The following PTPRD variants were observed in gnomAD, a reference collection of about 807,000 sequenced individuals.
PTPRD encodes the protein protein tyrosine phosphatase receptor type D, also known as receptor-type tyrosine-protein phosphatase delta.
In PTPRD, 34 loss-of-function variants were observed where a neutral mutation model predicts 214.5. That is an observed-to-expected ratio of 0.16 (90% CI 0.12 to 0.21). The LOEUF (loss-of-function observed/expected upper bound fraction) is 0.21. PTPRD is among the 10% of genes least tolerant of loss of function. The pLI, the probability that PTPRD is intolerant of heterozygous loss-of-function variation, is 1.00. For missense variants in PTPRD, 2,545 were observed against 2,398.7 expected (o/e 1.06, Z -1.27); for synonymous variants, 1,128 against 845.7 (o/e 1.33, Z -5.79).
intron 11 of PTPRD, among the ~76,000 whole-genome samples, chr9:8,734,180 C>T (rs1212473980): frequency 6.6e-6 from 1 of 152,144 alleles, no homozygotes; most frequent in Non-Finnish European, 1.5e-5. Flanking sequence ...TCTCGCATTC[C>T]CAATTTTAGG....
chr9:9,683,631 A>G (rs1313650912), intron 7 of PTPRD, among the ~76,000 whole-genome samples: 2 of 151,752 alleles, frequency 1.3e-5, no homozygotes, highest in Non-Finnish European at 2.9e-5. Context: ...TCAACTCTGA[A>G]GTAATAAGAT....
At chr9:8,929,793 GTGTGTGTATATA>G (rs1567062071) in intron 11 of PTPRD, among the ~76,000 whole-genome samples, 7 of 66,784 alleles carry the variant, frequency 1.0e-4, no homozygotes, top group Admixed American at 2.0e-4. Context: ...GTGTATATAT[GTGTGTGTATATA>G]TGTGTATATA....
chr9:9,982,250 C>T (rs1333360002), intron 4 of PTPRD, among the ~76,000 whole-genome samples: 2 of 152,158 alleles, frequency 1.3e-5, no homozygotes, highest in Non-Finnish European at 2.9e-5. Context: ...TTATATTCAT[C>T]TTTGTCACTG....
Position 10,475,593 on chromosome 9 carries a change from C to A in PTPRD, c.-599-134576G>T, listed in dbSNP as rs144866722. On this transcript the variant is annotated intron_variant, in intron 2 of 45. Coordinates refer to ENST00000381196, the MANE Select transcript of PTPRD (RefSeq NM_002839.4). ...GGTACCATTACTTCTGAAACTATTC[C>A]AAACAATAGAAAAAAAGGGACTCCT... 6.3e-3 allele frequency among the ~76,000 whole-genome samples: 946 copies of A among 151,242 alleles called. 13 individuals carry two copies. Among genetic ancestry groups the A allele is most frequent in the African/African-American group, 0.022 (898 of 41,304 alleles).
chr9:9,573,414 T>C (rs990465837), intron 8 of PTPRD, among the ~76,000 whole-genome samples: 10 of 149,956 alleles, frequency 6.7e-5, no homozygotes, highest in African/African-American at 1.2e-4. Flanking sequence ...ATGTTCTTTT[T>C]TTAAAAAAAA....
intron 2 of PTPRD, among the ~76,000 whole-genome samples, chr9:10,461,590 A>G (rs1270091651): frequency 6.6e-6 from 1 of 152,012 alleles, no homozygotes; most frequent in Non-Finnish European, 1.5e-5. Flanking sequence ...ACAGAAAAAA[A>G]CATGTTGCAT....
At chr9:10,062,073 C>A (rs978058417) in intron 3 of PTPRD, among the ~76,000 whole-genome samples, 1 of 151,990 alleles carries the variant, frequency 6.6e-6, no homozygotes, top group African/African-American at 2.4e-5. Flanking sequence ...AAACTAAAAT[C>A]GTGACTCTCA....
intron 21 of PTPRD, among the ~76,000 whole-genome samples, chr9:8,512,783 T>C (rs918195785): frequency 5.3e-5 from 8 of 152,006 alleles, no homozygotes; most frequent in African/African-American, 1.9e-4. Context: ...GCTTTCTAAA[T>C]ACAGTTCAGA....
intron 10 of PTPRD, among the ~76,000 whole-genome samples, chr9:9,117,736 AAGAAAAAAAATATTTC>A (rs1305895184): frequency 2.0e-5 from 3 of 152,174 alleles, no homozygotes; most frequent in Non-Finnish European, 4.4e-5. Context: ...TTAATATGCC[AAGAAAAAAAATATTTC>A]AGAAGATAAA....
chr9:9,263,456 T>C (rs1374000060), intron 9 of PTPRD, among the ~76,000 whole-genome samples: 7 of 151,692 alleles, frequency 4.6e-5, no homozygotes, highest in South Asian at 2.1e-4. Flanking sequence ...AACATAACCA[T>C]ATTGAACAGA....
At chr9:8,341,593 T>C (rs575111571) in intron 40 of PTPRD, 100 bp downstream of exon 40, 8 of 1,352,590 alleles carry the variant, frequency 5.9e-6, no homozygotes, top group Non-Finnish European at 8.2e-6. Context: ...CAAATGAATC[T>C]TGTACTTCAC....
intron 9 of PTPRD, among the ~76,000 whole-genome samples, chr9:9,184,605 A>G (rs1359004390): frequency 6.6e-6 from 1 of 152,006 alleles, no homozygotes; most frequent in Non-Finnish European, 1.5e-5. Flanking sequence ...TGAGAATTAA[A>G]TTTCTCTTCT....
At chr9:8,633,242 C>T (rs2154319844) in intron 14 of PTPRD, 75 bp downstream of exon 14, 1 of 1,535,376 alleles carries the variant, frequency 6.5e-7, no homozygotes. Context: ...CAATGCTAGT[C>T]TTTTCAATGA....
chr9:9,244,522 A>G (rs531462610), intron 9 of PTPRD, among the ~76,000 whole-genome samples: 3 of 152,218 alleles, frequency 2.0e-5, no homozygotes, highest in Non-Finnish European at 4.4e-5. Context: ...ACCTGACAAA[A>G]ACAAGCAATG....
chr9:9,163,875 T>C (rs1474187776), intron 10 of PTPRD, among the ~76,000 whole-genome samples: 7 of 152,148 alleles, frequency 4.6e-5, no homozygotes, highest in Non-Finnish European at 1.0e-4. Context: ...TTTTGTTTTC[T>C]CTCAGATTCA....
chr9:8,776,922 T>C (rs942638107), intron 11 of PTPRD, among the ~76,000 whole-genome samples: 1 of 147,454 alleles, frequency 6.8e-6, no homozygotes, highest in African/African-American at 2.5e-5. Context: ...ATATGTATAA[T>C]ATATAAATAT....
Position 9,507,558 on chromosome 9 carries a change from G to T in PTPRD, c.-237+67174C>A, listed in dbSNP as rs370236225. Among the ~76,000 whole-genome samples, 23 of 151,536 alleles carry T rather than the reference G, an allele frequency of 1.5e-4. 1 individual carries two copies. The highest frequency in any genetic ancestry group is 9.7e-4 in the East Asian group (5 of 5,138). ...ATGGAAAGGGAGAACAGAAAGTAAA[G>T]CTAGTATGATGATTAAGGAAGAAAA... On this transcript the variant is annotated intron_variant, in intron 8 of 45. Transcript: ENST00000381196.
chr9:8,662,301 G>T (rs895357412), intron 12 of PTPRD, among the ~76,000 whole-genome samples: 2 of 151,508 alleles, frequency 1.3e-5, no homozygotes, highest in African/African-American at 4.9e-5. Context: ...CTGCTATGTT[G>T]GAAAACAAAC....
intron 3 of PTPRD, among the ~76,000 whole-genome samples, chr9:10,181,088 A>C (rs570233070): frequency 3.3e-5 from 5 of 152,114 alleles, no homozygotes; most frequent in Non-Finnish European, 5.9e-5. Flanking sequence ...CAAATGCATC[A>C]TATAGGCTTG....
Sources: allele counts gnomAD v4.1 joint callset (sites outside exome capture counted in the v4.1 genomes callset), GRCh38; gene constraint gnomAD v4.1.1; transcripts MANE v1.5; gene names NCBI Gene and HGNC (gene_info 2026-07-23, HGNC 2026-07-21).